Variants in NRXN3 observed in about 807,000 individuals in gnomAD.
NRXN3 encodes the protein neurexin 3.
In NRXN3, 32 loss-of-function variants were observed where a neutral mutation model predicts 137.6. That is an observed-to-expected ratio of 0.23 (90% CI 0.18 to 0.31). The LOEUF (loss-of-function observed/expected upper bound fraction) is 0.31, where lower values mean the gene tolerates loss of function less well. Ranked by LOEUF, NRXN3 falls within the 10% of genes least tolerant of loss-of-function variation. NRXN3 has a pLI of 1.00. For missense variants in NRXN3, 1,574 were observed against 2,062.5 expected (o/e 0.76, Z 4.59); for synonymous variants, 798 against 784.5 (o/e 1.02, Z -0.29).
chr14:79,115,457 A>C (rs2054284807), intron 15 of NRXN3, among the ~76,000 whole-genome samples: 1 of 152,212 alleles, frequency 6.6e-6, no homozygotes, highest in Non-Finnish European at 1.5e-5. Flanking sequence ...AACTTGTAAA[A>C]ATGGTACAAG....
chr14:79,724,043 G>A (rs1004049595), intron 19 of NRXN3, among the ~76,000 whole-genome samples: 14 of 152,098 alleles, frequency 9.2e-5, no homozygotes, highest in African/African-American at 3.4e-4. Flanking sequence ...ACGGAAGAAG[G>A]AACATACATT....
At chr14:79,101,102 T>G (rs973460210) in intron 15 of NRXN3, among the ~76,000 whole-genome samples, 1 of 152,226 alleles carries the variant, frequency 6.6e-6, no homozygotes, top group Non-Finnish European at 1.5e-5. Flanking sequence ...TCTAAAATTC[T>G]GTATGCCAGA....
intron 10 of NRXN3, among the ~76,000 whole-genome samples, chr14:78,897,190 GTGTT>G (rs371521058): frequency 7.9e-5 from 12 of 151,926 alleles, no homozygotes; most frequent in South Asian, 2.1e-4. Context: ...GTTTCATAAA[GTGTT>G]TGTTTGTGCC....
intron 18 of NRXN3, among the ~76,000 whole-genome samples, chr14:79,694,492 CAGATT>C (rs1053475862): frequency 6.6e-6 from 1 of 151,454 alleles, no homozygotes; most frequent in African/African-American, 2.4e-5. Flanking sequence ...AAATAGTTCT[CAGATT>C]AGGATATATA....
At chr14:79,102,517 G>A (rs1456699862) in intron 15 of NRXN3, among the ~76,000 whole-genome samples, 1 of 152,114 alleles carries the variant, frequency 6.6e-6, no homozygotes, top group Non-Finnish European at 1.5e-5. Flanking sequence ...TGTTTACTGA[G>A]TACCTCCCAT....
intron 1 of NRXN3, among the ~76,000 whole-genome samples, chr14:78,207,340 C>A (rs2062301215): frequency 6.6e-6 from 1 of 152,166 alleles, no homozygotes; most frequent in Non-Finnish European, 1.5e-5. Flanking sequence ...TCTACCTTTT[C>A]TCTCTGTGAT....
chr14:78,895,713 G>A (rs989373166), intron 10 of NRXN3, among the ~76,000 whole-genome samples: 2 of 151,846 alleles, frequency 1.3e-5, no homozygotes, highest in Admixed American at 1.3e-4. Context: ...CTTTTGATTT[G>A]AAGTTAGAGA....
At chr14:78,421,776 A>G (rs1452623648) in intron 4 of NRXN3, among the ~76,000 whole-genome samples, 2 of 152,154 alleles carry the variant, frequency 1.3e-5, no homozygotes, top group Non-Finnish European at 2.9e-5. Flanking sequence ...CTGCCCTCTC[A>G]GCCTACCAAT....
rs199592742 is a variant in NRXN3, at chr14:78,294,555, C to CA, written c.728-3252dup. On this transcript the variant is annotated intron_variant, in intron 3 of 20. Coordinates refer to ENST00000335750, the MANE Select transcript of NRXN3 (RefSeq NM_001330195.2). ...TGGGCAACAGAGTGAGATTCCGTCTCAAAAAAAAAAAAAAAAAAAAAAAAG... is the reference window on the plus strand; with the variant it reads ...TGGGCAACAGAGTGAGATTCCGTCTCAAAAAAAAAAAAAAAAAAAAAAAAAG... 2.5e-3 allele frequency among the ~76,000 whole-genome samples: 271 copies of CA among 106,332 alleles called. 1 individual carries two copies. The highest frequency in any genetic ancestry group is 3.8e-3 in the Admixed American group (38 of 9,892). 69.8% of individuals were successfully genotyped at this position (106,332 alleles called of 152,430 possible). A position where few individuals can be genotyped will look rare whatever the true frequency, so the allele number is the denominator to read the frequency against.
At chr14:78,191,958 T>A (rs1489863045) in intron 1 of NRXN3, among the ~76,000 whole-genome samples, 1 of 152,024 alleles carries the variant, frequency 6.6e-6, no homozygotes, top group Non-Finnish European at 1.5e-5. Flanking sequence ...TCATGCCAGC[T>A]GGGCCAGTGG....
intron 2 of NRXN3, among the ~76,000 whole-genome samples, chr14:78,265,299 T>C (rs548937254): frequency 6.6e-6 from 1 of 152,220 alleles, no homozygotes; most frequent in South Asian, 2.1e-4. Flanking sequence ...TAGGTTAGAC[T>C]TAATAGGTTT....
chr14:78,556,074 T>G (rs1314525643), intron 4 of NRXN3, among the ~76,000 whole-genome samples: 2 of 152,232 alleles, frequency 1.3e-5, no homozygotes, highest in African/African-American at 2.4e-5. Flanking sequence ...CTGCCCCTGT[T>G]GCCTGGAATC....
At chr14:78,278,602 C>T (rs2153500783) in intron 2 of NRXN3, 43 bp from the exon 3 acceptor site, 1 of 1,502,612 alleles carries the variant, frequency 6.7e-7, no homozygotes, top group Non-Finnish European at 9.0e-7. Context: ...CTCCCCTTTT[C>T]TCTCCTCTCT....
chr14:79,495,893 G>A (rs1200506132), intron 16 of NRXN3, among the ~76,000 whole-genome samples: 2 of 151,078 alleles, frequency 1.3e-5, no homozygotes, highest in African/African-American at 4.9e-5. Context: ...GATCAAAGTC[G>A]ATGGTATTTA....
chr14:79,028,165 G>A (rs1172786645), intron 15 of NRXN3, among the ~76,000 whole-genome samples: 1 of 152,076 alleles, frequency 6.6e-6, no homozygotes, highest in Admixed American at 6.6e-5. Flanking sequence ...GCAGAAACAG[G>A]ACCAGAACAT....
Position 78,177,129 on chromosome 14 carries a change from C to G in NRXN3, c.-704+6455C>G, listed in dbSNP as rs73316371. ...ATTCAGAGAGCCAAGCAGCTGGTAT[C>G]TGGATGCTGACGACTCTGGGAGCCT... On this transcript the variant is annotated intron_variant, in intron 1 of 20. Coordinates refer to ENST00000335750, the MANE Select transcript of NRXN3 (RefSeq NM_001330195.2). 8.5e-3 allele frequency among the ~76,000 whole-genome samples: 1,293 copies of G among 152,286 alleles called. 17 individuals carry two copies. Among genetic ancestry groups the G allele is most frequent in the African/African-American group, 0.028 (1,167 of 41,552 alleles).
In NRXN3 at chr14:79,725,641, GA is replaced by G. The variant is rs1311176507; in HGVS notation, c.4014+27712del. Among the ~76,000 whole-genome samples the G allele has an allele frequency of 2.6e-5, 4 of 151,670 alleles. No homozygotes were observed. In the East Asian group the frequency reaches 7.8e-4, roughly 29 times the overall value. ...TTGTTCCATTCAAAGAGATTAGGAG[GA>G]AAAAAAAGTGGTATATCCCAGGCAC... is the stretch of plus-strand genomic sequence containing the variant. On this transcript the variant is annotated intron_variant, in intron 19 of 20. Transcript: ENST00000335750.
chr14:79,857,815 A>C (rs1330816181), intron 20 of NRXN3, among the ~76,000 whole-genome samples: 1 of 152,176 alleles, frequency 6.6e-6, no homozygotes, highest in Admixed American at 6.5e-5. Context: ...CCACTTCTTG[A>C]GAAGCCAGGA....
intron 16 of NRXN3, among the ~76,000 whole-genome samples, chr14:79,602,127 G>T (rs2097932217): frequency 1.3e-5 from 2 of 152,170 alleles, no homozygotes; most frequent in South Asian, 4.1e-4. Flanking sequence ...CCCTGCCTCT[G>T]CATATAAAGG....
Sources: allele counts gnomAD v4.1 joint callset (sites outside exome capture counted in the v4.1 genomes callset), GRCh38; gene constraint gnomAD v4.1.1; transcripts MANE v1.5; gene names NCBI Gene and HGNC (gene_info 2026-07-23, HGNC 2026-07-21).